LARS1: variants seen among roughly 807,000 people sequenced by gnomAD.
LARS1 encodes the protein leucyl-tRNA synthetase 1, also known as leucine--tRNA ligase, cytoplasmic.
In LARS1, 100 loss-of-function variants were observed where a neutral mutation model predicts 162.8. That is an observed-to-expected ratio of 0.61 (90% CI 0.52 to 0.73). LARS1 has a LOEUF of 0.73. LARS1 is among the 30% of genes least tolerant of loss of function. The probability of loss-of-function intolerance (pLI) is 0.00; values close to 1 mark genes in which losing one functional copy is unlikely to be tolerated. For missense variants in LARS1, 1,258 were observed against 1,408.9 expected (o/e 0.89, Z 1.71); for synonymous variants, 457 against 462.8 (o/e 0.99, Z 0.16).
rs1753586210 is a variant in LARS1 at position 146,157,564 on chromosome 5, G to C, written c.904C>G (p.Gln302Glu). The C allele has an allele frequency of 1.2e-6, 2 of 1,613,942 alleles. No homozygotes were observed. Among genetic ancestry groups the C allele is most frequent in the East Asian group, 4.5e-5 (2 of 44,868 alleles). The change falls in exon 10 of 32, where the codon CAG becomes GAG. Residue 302 changes from glutamine (Q) to glutamate (E), a missense_variant. Coordinates refer to ENST00000394434, the MANE Select transcript of LARS1 (RefSeq NM_020117.11). Reference protein sequence around the residue: ...ATLRPETMFGQTNCWVRPDMK... With the variant: ...ATLRPETMFGETNCWVRPDMK... ...TCAGGACGAACCCAACAATTTGTCT[G>C]CCCAAACATGGTCTCAGGTCTGAGA...
At chr5:146,158,862 C>A in intron 8 of LARS1, among the ~76,000 whole-genome samples, 1 of 152,068 alleles carries the variant, frequency 6.6e-6, no homozygotes, top group East Asian at 1.9e-4. Context: ...TTTGGGAGGC[C>A]AAGGCGGGCA....
At chr5:146,127,942 C>T (rs1752111886) in intron 27 of LARS1, among the ~76,000 whole-genome samples, 1 of 152,074 alleles carries the variant, frequency 6.6e-6, no homozygotes, top group African/African-American at 2.4e-5. Flanking sequence ...TTCTTCTTTA[C>T]ATTTTGACCA....
At chr5:146,140,128 T>TA (rs1561809504) in intron 21 of LARS1, 76 bp downstream of exon 21, 124 of 1,140,148 alleles carry the variant, frequency 1.1e-4, no homozygotes, top group Non-Finnish European at 1.4e-4. Context: ...TACATACATT[T>TA]AAAAAAAAGT....
intron 29 of LARS1, among the ~76,000 whole-genome samples, chr5:146,122,946 T>C (rs1751890461): frequency 6.6e-6 from 1 of 151,788 alleles, no homozygotes. Context: ...CTTAAATAAA[T>C]GGAAGAAAAG....
intron 22 of LARS1, among the ~76,000 whole-genome samples, chr5:146,134,495 T>C (rs1480989052): frequency 2.6e-5 from 4 of 152,188 alleles, no homozygotes; most frequent in African/African-American, 9.7e-5. Context: ...AGAAGTACCA[T>C]GATGACCAAT....
intron 17 of LARS1, 42 bp from the exon 18 acceptor site, chr5:146,144,391 C>CT: frequency 6.3e-7 from 1 of 1,596,762 alleles, no homozygotes; most frequent in Non-Finnish European, 8.5e-7. Context: ...TACTGGTTCA[C>CT]TTTTTTTGTT....
intron 27 of LARS1, among the ~76,000 whole-genome samples, chr5:146,127,513 T>TA (rs1004712118): frequency 2.6e-5 from 4 of 151,950 alleles, no homozygotes; most frequent in East Asian, 3.9e-4. Context: ...GAATAGTAAG[T>TA]AAAAAAACAA....
intron 14 of LARS1, among the ~76,000 whole-genome samples, chr5:146,151,210 GTCACTTC>G (rs1367011891): frequency 6.6e-6 from 1 of 151,942 alleles, no homozygotes; most frequent in Non-Finnish European, 1.5e-5. Flanking sequence ...CAAAATATGT[GTCACTTC>G]AAAAAAAAGA....
intron 15 of LARS1, 24 bp from the exon 16 acceptor site, chr5:146,144,733 C>T (rs999901606): frequency 3.2e-6 from 5 of 1,565,640 alleles, no homozygotes; most frequent in Admixed American, 3.4e-5. Flanking sequence ...AATAAACATA[C>T]ATTAGATACT....
At chr5:146,120,115 C>T (rs1751752014) in intron 31 of LARS1, among the ~76,000 whole-genome samples, 1 of 152,116 alleles carries the variant, frequency 6.6e-6, no homozygotes, top group Non-Finnish European at 1.5e-5. Flanking sequence ...AAGATGAAAA[C>T]TATCTAATCC....
At chr5:146,140,330 A>G in intron 20 of LARS1, 69 bp from the exon 21 acceptor site, 1 of 1,282,866 alleles carries the variant, frequency 7.8e-7, no homozygotes, top group South Asian at 1.2e-5. Context: ...TAAAATTTTG[A>G]GGTAAAAGCT....
At chr5:146,130,295 G>T in intron 24 of LARS1, 137 bp from the exon 25 acceptor site, 1 of 813,672 alleles carries the variant, frequency 1.2e-6, no homozygotes, top group Non-Finnish European at 1.9e-6. Context: ...TACTGTAAAG[G>T]TTTTACTTTA....
chr5:146,157,515 G>A lies in LARS1; in HGVS notation c.953C>T (p.Thr318Met), dbSNP rs752392021. The change falls in exon 10 of 32, where the codon ACG becomes ATG. Residue 318 changes from threonine to methionine, a missense_variant. Coordinates refer to ENST00000394434, the MANE Select transcript of LARS1 (RefSeq NM_020117.11). ...RPDMKYIGFE[T>M]VNGDIFICTQ... ...ACAGATGAATATATCACCATTCACC[G>A]TCTCAAATCCAATGTACTTCATATC... is the stretch of plus-strand genomic sequence containing the variant. 57 of 1,613,856 alleles carry A rather than the reference G, an allele frequency of 3.5e-5. No homozygotes were observed. The highest frequency in any genetic ancestry group is 1.2e-4 in the Admixed American group (7 of 59,998).
intron 25 of LARS1, among the ~76,000 whole-genome samples, chr5:146,129,558 T>C (rs1561801439): frequency 6.6e-6 from 1 of 152,206 alleles, no homozygotes; most frequent in Non-Finnish European, 1.5e-5. Context: ...CTAGCTAATA[T>C]GGCTGGAAAG....
chr5:146,152,165 A>G (rs919720270), intron 13 of LARS1, among the ~76,000 whole-genome samples, 163 bp from the exon 14 acceptor site: 9 of 152,136 alleles, frequency 5.9e-5, no homozygotes, highest in Admixed American at 2.6e-4. Flanking sequence ...TAACTTCCAG[A>G]TGTAAATTTG....
intron 8 of LARS1, 137 bp from the exon 9 acceptor site, chr5:146,157,932 G>T: frequency 1.3e-6 from 1 of 777,246 alleles, no homozygotes; most frequent in Non-Finnish European, 2.1e-6. Flanking sequence ...AGAAGAGATT[G>T]CCAGTGGTGT....
intron 8 of LARS1, among the ~76,000 whole-genome samples, chr5:146,159,184 T>C (rs1753665395): frequency 6.6e-6 from 1 of 152,056 alleles, no homozygotes; most frequent in South Asian, 2.1e-4. Context: ...TGCTTTCCTG[T>C]AACAAACTGA....
chr5:146,120,666 T>C (rs1231500324), intron 30 of LARS1, among the ~76,000 whole-genome samples, 163 bp from the exon 31 acceptor site: 1 of 152,196 alleles, frequency 6.6e-6, no homozygotes, highest in Non-Finnish European at 1.5e-5. Context: ...TACAAGCTCA[T>C]GCTTATAACC....
In LARS1 at chr5:146,157,700, G is replaced by T. The variant is rs780161493; in HGVS notation, c.839+28C>A. 88 of 1,613,276 alleles carry T rather than the reference G, an allele frequency of 5.5e-5. 1 individual carries two copies. The Middle Eastern group carries it at 1.2e-3, about 21-fold the overall frequency. The stretch of plus-strand genomic sequence containing the variant: ...AACAACTATCTGATGGTTCAGAAAT[G>T]ATAAAGCAATTACTCTGGCAAACCT... On this transcript the variant is annotated intron_variant, in intron 9 of 31. Coordinates refer to ENST00000394434, the MANE Select transcript of LARS1 (RefSeq NM_020117.11).
Sources: allele counts gnomAD v4.1 joint callset (sites outside exome capture counted in the v4.1 genomes callset), GRCh38; gene constraint gnomAD v4.1.1; transcripts MANE v1.5; gene names NCBI Gene and HGNC (gene_info 2026-07-23, HGNC 2026-07-21).